PACRG: variants seen among roughly 807,000 people sequenced by gnomAD.
The protein encoded by PACRG is parkin coregulated.
In PACRG, 29 loss-of-function variants were observed where a neutral mutation model predicts 29.7. The ratio of observed to expected loss-of-function variants is 0.98; its 90% CI spans 0.73 to 1.33. The LOEUF is 1.33. PACRG is among the 40% of genes most tolerant of loss of function. The pLI is 0.00. For synonymous variants in PACRG, 116 were observed against 118.7 expected, an observed-to-expected ratio of 0.98 and a Z score of 0.15; for missense variants, 279 against 316.2, an observed-to-expected ratio of 0.88 and a Z score of 0.89.
At chr6:163,001,176 T>A (rs755430760) in intron 2 of PACRG, among the ~76,000 whole-genome samples, 1 of 152,218 alleles carries the variant, frequency 6.6e-6, no homozygotes, top group Non-Finnish European at 1.5e-5. Flanking sequence ...ATGGGTGGGT[T>A]GTGAACTGTT....
chr6:162,980,195 C>T (rs1802292955), intron 2 of PACRG, among the ~76,000 whole-genome samples: 1 of 152,008 alleles, frequency 6.6e-6, no homozygotes, highest in African/African-American at 2.4e-5. Context: ...CACACGCACA[C>T]ACACACATTT....
At chr6:163,251,645 T>G (rs1011497441) in intron 4 of PACRG, among the ~76,000 whole-genome samples, 1 of 152,158 alleles carries the variant, frequency 6.6e-6, no homozygotes, top group Non-Finnish European at 1.5e-5. Flanking sequence ...CTGTTACTCA[T>G]CCATTCTGTA....
chr6:163,104,324 AT>A (rs1181235041), intron 4 of PACRG, among the ~76,000 whole-genome samples: 6 of 151,886 alleles, frequency 4.0e-5, no homozygotes, highest in South Asian at 2.1e-4. Flanking sequence ...TGTGCATTCA[AT>A]TTTTTTTTAA....
At chr6:162,925,771 C>T (rs982278677) in intron 2 of PACRG, among the ~76,000 whole-genome samples, 3 of 152,114 alleles carry the variant, frequency 2.0e-5, no homozygotes, top group African/African-American at 7.2e-5. Context: ...CCTTCTCTCA[C>T]CACTCCTATT....
At chr6:163,303,201 G>A (rs73025094) in intron 4 of PACRG, among the ~76,000 whole-genome samples, 3,580 of 152,224 alleles carry the variant, frequency 0.024, 48 homozygotes, top group Middle Eastern at 0.048. Context: ...GTGGTAGTGC[G>A]TGGTCCCAGC....
intron 4 of PACRG, among the ~76,000 whole-genome samples, chr6:163,160,021 C>T (rs1778491976): frequency 6.6e-6 from 1 of 152,144 alleles, no homozygotes; most frequent in Admixed American, 6.5e-5. Flanking sequence ...CTTCTCTGTA[C>T]TTTTAATTAT....
intron 2 of PACRG, among the ~76,000 whole-genome samples, chr6:162,993,047 G>A (rs1440818926): frequency 3.1e-5 from 4 of 128,948 alleles, no homozygotes; most frequent in South Asian, 2.6e-4. Flanking sequence ...GTAGTTGAGC[G>A]GCTTTGAGTG....
At chr6:163,105,562 G>A (rs936217146) in intron 4 of PACRG, among the ~76,000 whole-genome samples, 2 of 152,116 alleles carry the variant, frequency 1.3e-5, no homozygotes, top group African/African-American at 4.8e-5. Context: ...TTTAAAAAGT[G>A]GCTATCGATA....
chr6:162,789,074 T>A (rs1279360364), intron 1 of PACRG, among the ~76,000 whole-genome samples: 1 of 152,194 alleles, frequency 6.6e-6, no homozygotes, highest in Non-Finnish European at 1.5e-5. Context: ...ATTTTTAAAA[T>A]CTTGTAATAA....
chr6:163,289,355 C>T (rs1784503649), intron 4 of PACRG, among the ~76,000 whole-genome samples: 1 of 152,248 alleles, frequency 6.6e-6, no homozygotes, highest in East Asian at 1.9e-4. Flanking sequence ...CTAACTATTT[C>T]CAAATCAATT....
rs144852816 is a variant in PACRG at position 163,085,341 on chromosome 6, G to A, written c.464-3918G>A. Among the ~76,000 whole-genome samples, 725 of 152,232 alleles carry A rather than the reference G, an allele frequency of 4.8e-3. 9 individuals carry two copies. The highest frequency in any genetic ancestry group is 0.016 in the African/African-American group (684 of 41,534). On this transcript the variant is annotated intron_variant, in intron 3 of 4. Coordinates refer to ENST00000366888, the MANE Select transcript of PACRG (RefSeq NM_001080379.2). The stretch of plus-strand genomic sequence containing the variant: ...GAGTCCTTCTTAAGGAGTGGGATGG[G>A]AAGGAGAGATGAATAAAGAGAAAAG...
Position 162,774,173 on chromosome 6 carries a change from T to C in PACRG, c.157-39974T>C, listed in dbSNP as rs572698970. On this transcript the variant is annotated intron_variant, in intron 1 of 4. Transcript: ENST00000366888. ...GACTAAATCTAGAAACAAGATCTCC[T>C]ACTGCCCCAGTGCCAGATGGGCCCA... Among the ~76,000 whole-genome samples, 103 of 152,314 alleles carry C rather than the reference T, an allele frequency of 6.8e-4. 3 individuals carry two copies. In the South Asian group the frequency reaches 0.021, roughly 30 times the overall value.
chr6:163,273,038 C>G (rs2128180886), intron 4 of PACRG, among the ~76,000 whole-genome samples: 1 of 147,648 alleles, frequency 6.8e-6, no homozygotes, highest in Non-Finnish European at 1.5e-5. Context: ...ACTACAGGCG[C>G]CCGCCACTAC....
chr6:163,162,749 C>T (rs1778610968), intron 4 of PACRG, among the ~76,000 whole-genome samples: 1 of 152,230 alleles, frequency 6.6e-6, no homozygotes, highest in Non-Finnish European at 1.5e-5. Flanking sequence ...GGGCTGCAGC[C>T]AGGGTGAGGC....
At chr6:162,946,085 T>C (rs1798982106) in intron 2 of PACRG, among the ~76,000 whole-genome samples, 1 of 151,908 alleles carries the variant, frequency 6.6e-6, no homozygotes. Context: ...AATCTAATGA[T>C]GTATCTCAAG....
At chr6:162,815,734 A>T (rs1787279174) in intron 2 of PACRG, among the ~76,000 whole-genome samples, 2 of 151,862 alleles carry the variant, frequency 1.3e-5, no homozygotes, top group Admixed American at 1.3e-4. Context: ...TTTTGTTTGG[A>T]TTTTTGGATT....
At chr6:163,277,170 T>TC (rs1784058769) in intron 4 of PACRG, among the ~76,000 whole-genome samples, 1 of 152,044 alleles carries the variant, frequency 6.6e-6, no homozygotes, top group Admixed American at 6.5e-5. Flanking sequence ...ATAAGTTCTT[T>TC]AGTGGTGATT....
chr6:163,253,113 G>T (rs554713801), intron 4 of PACRG, among the ~76,000 whole-genome samples: 1 of 151,658 alleles, frequency 6.6e-6, no homozygotes, highest in Non-Finnish European at 1.5e-5. Flanking sequence ...CCTGGCCAAC[G>T]TGGCGAAACC....
chr6:163,292,624 C>T (rs1784655755), intron 4 of PACRG, among the ~76,000 whole-genome samples: 1 of 116,550 alleles, frequency 8.6e-6, no homozygotes, highest in Non-Finnish European at 1.9e-5. Context: ...AGGGTTTCAC[C>T]ATGTTAACAG....
Sources: allele counts gnomAD v4.1 joint callset (sites outside exome capture counted in the v4.1 genomes callset), GRCh38; gene constraint gnomAD v4.1.1; transcripts MANE v1.5; gene names NCBI Gene and HGNC (gene_info 2026-07-23, HGNC 2026-07-21).